ODC1: variants seen among roughly 807,000 people sequenced by gnomAD.
ODC1 encodes the protein ornithine decarboxylase 1.
A neutral mutation model predicts 41.5 loss-of-function variants in ODC1; 18 were observed. The ratio of observed to expected loss-of-function variants is 0.43; its 90% CI spans 0.30 to 0.64. ODC1 has a LOEUF of 0.64. Ranked by LOEUF, ODC1 falls within the 30% of genes least tolerant of loss-of-function variation. ODC1 has a pLI of 0.11. For synonymous variants in ODC1, 218 were observed against 211.6 expected (o/e 1.03, Z -0.26); for missense variants, 504 against 589.0 (o/e 0.86, Z 1.49).
chr2:10,442,136 AAAGTATTTGTCC>A lies in ODC1; in HGVS notation c.777_788del (p.Leu259_Tyr262del). 1 of 1,613,596 alleles carries A rather than the reference AAAGTATTTGTCC, an allele frequency of 6.2e-7. No individual in the cohort carries two copies. The highest frequency in any genetic ancestry group is 8.5e-7 in the Non-Finnish European group (1 of 1,179,876). ...TGATTCTCACTCCAGAGTCTGACGG[AAAGTATTTGTCC>A]AACGCTGGGTTGATTACGCCGGTGA... On this transcript the variant is annotated inframe_deletion, in exon 9 of 12. Transcript: ENST00000234111.
Position 10,444,082 on chromosome 2 carries a change from G to C in ODC1, c.449+13C>G. ...TGCTCCCGATCTTGCCCTCAGATGG[G>C]GGAATAACTCACTTTGCTTTGGGAT... is the stretch of plus-strand genomic sequence containing the variant. On this transcript the variant is annotated intron_variant, in intron 5 of 11. Coordinates refer to ENST00000234111, the MANE Select transcript of ODC1 (RefSeq NM_002539.3). 1 of 1,572,328 alleles carries C rather than the reference G, an allele frequency of 6.4e-7. No homozygotes were observed. Among genetic ancestry groups the C allele is most frequent in the Non-Finnish European group, 8.6e-7 (1 of 1,160,212 alleles).
intron 11 of ODC1, 73 bp from the exon 12 acceptor site, chr2:10,440,941 T>G: frequency 2.0e-6 from 3 of 1,517,856 alleles, no homozygotes; most frequent in Non-Finnish European, 2.7e-6. Context: ...TTACTTCCCA[T>G]CAGGAAACAA....
chr2:10,442,547 G>T (rs1671865981), intron 8 of ODC1, among the ~76,000 whole-genome samples: 1 of 152,156 alleles, frequency 6.6e-6, no homozygotes, highest in Non-Finnish European at 1.5e-5. Context: ...AACAAACCAT[G>T]TGGATATATT....
rs1389055083 is a variant in ODC1, at chr2:10,442,092, T to C, written c.833A>G (p.Tyr278Cys). Residue 278 changes from tyrosine to cysteine, a missense_variant, in exon 9 of 12, where the codon TAC becomes TGC. Transcript: ENST00000234111. ...AAGCGTGAAAGCTGATGCAACATAG[T>C]ATCTGCCGGGCTCAGCTATGATTCT... ...GVRIIAEPGRYYVASAFTLAV... is the reference protein window; with the variant it reads ...GVRIIAEPGRCYVASAFTLAV... The C allele has an allele frequency of 6.2e-7, 1 of 1,614,148 alleles. No homozygotes were observed.
rs747926407 is a variant in ODC1 at position 10,443,311 on chromosome 2, A to G, written c.669T>C (p.Ala223=). Reference sequence around the variant, plus strand: ...GCAGATACATGCTGAAACCAACCTCAGCCTAGAATCAAGAAAATAAGTCAG... The same window carrying G: ...GCAGATACATGCTGAAACCAACCTCGGCCTAGAATCAAGAAAATAAGTCAG... ...SDARCVFDMG[A]EVGFSMYLLD... Residue 223 remains alanine, a splice_region_variant and synonymous_variant, in exon 8 of 12, where the codon GCT becomes GCC. Coordinates refer to ENST00000234111, the MANE Select transcript of ODC1 (RefSeq NM_002539.3). 6.2e-6 allele frequency: 10 copies of G among 1,609,056 alleles called. No individual in the cohort carries two copies. The highest frequency in any genetic ancestry group is 8.5e-6 in the Non-Finnish European group (10 of 1,178,184).
intron 11 of ODC1, 29 bp from the exon 12 acceptor site, chr2:10,440,897 A>T (rs1464965119): frequency 1.2e-6 from 2 of 1,612,164 alleles, no homozygotes; most frequent in East Asian, 4.5e-5. Flanking sequence ...CATATTAAAA[A>T]CCCTGACTCA....
chr2:10,443,640 A>G, intron 6 of ODC1, 62 bp downstream of exon 6: 1 of 1,606,986 alleles, frequency 6.2e-7, no homozygotes, highest in Non-Finnish European at 8.5e-7. Context: ...ACACTAGGAG[A>G]AAGCCTGTAA....
Position 10,443,817 on chromosome 2 carries a change from T to C in ODC1, c.469A>G (p.Thr157Ala), listed in dbSNP as rs771213212. 2.5e-6 allele frequency: 4 copies of C among 1,614,098 alleles called. No homozygotes were observed. Among genetic ancestry groups the C allele is most frequent in the Middle Eastern group, 1.6e-4 (1 of 6,062 alleles). The part of the protein sequence containing the change: ...PKAKLVLRIA[T>A]DDSKAVCRLS... ...CGACAGACTGCTTTGGAATCATCAG[T>C]GGCAATCCGCAAAACCAACCTACAA... The change falls in exon 6 of 12, where the codon ACT becomes GCT. Residue 157 changes from threonine to alanine, a missense_variant. Coordinates refer to ENST00000234111, the MANE Select transcript of ODC1 (RefSeq NM_002539.3).
chr2:10,442,526 G>A (rs1301067401), intron 8 of ODC1, among the ~76,000 whole-genome samples: 6 of 152,242 alleles, frequency 3.9e-5, no homozygotes, highest in South Asian at 4.1e-4. Flanking sequence ...TTCTGCCTAC[G>A]TCATGATTTT....
At chr2:10,446,049 G>A (rs1026976587) in intron 1 of ODC1, among the ~76,000 whole-genome samples, 3 of 152,008 alleles carry the variant, frequency 2.0e-5, no homozygotes, top group South Asian at 2.1e-4. Context: ...GTATTAGCTG[G>A]GTATATACTT....
Position 10,441,514 on chromosome 2 carries a change from A to G in ODC1, c.1236T>C (p.Pro412=), listed in dbSNP as rs1364500448. 1 of 1,613,634 alleles carries G rather than the reference A, an allele frequency of 6.2e-7. No homozygotes were observed. Among genetic ancestry groups the G allele is most frequent in the African/African-American group, 1.3e-5 (1 of 74,930 alleles). The part of the protein sequence containing the change: ...RPTIYYVMSG[P]AWQLMQQFQN... Reference sequence around the variant, plus strand: ...AACATGCATGGCTTACTTACCACGCAGGCCCTGACATCACATAGTAGATCG... The same window carrying G: ...AACATGCATGGCTTACTTACCACGCGGGCCCTGACATCACATAGTAGATCG... The change falls in exon 11 of 12, where the codon CCT becomes CCC. Residue 412 remains proline (P), a synonymous_variant. Transcript: ENST00000234111.
Position 10,444,159 on chromosome 2 carries a change from G to A in ODC1, c.385C>T (p.Gln129Ter). Residue 129 changes from glutamine to a stop codon, truncating the protein, a stop_gained, in exon 5 of 12, where the codon CAG becomes TAG. Coordinates refer to ENST00000234111, the MANE Select transcript of ODC1 (RefSeq NM_002539.3). LOFTEE classifies it high-confidence loss of function. ...ACTTCACTATCAAAAGTCATCATCTGGACTCCATTATTAGCAGCATACTTA... is the reference window on the plus strand; with the variant it reads ...ACTTCACTATCAAAAGTCATCATCTAGACTCCATTATTAGCAGCATACTTA... ...QIKYAANNGV[Q>*]MMTFDSEVEL... The A allele has an allele frequency of 6.2e-7, 1 of 1,612,330 alleles. No individual in the cohort carries two copies. The highest frequency in any genetic ancestry group is 8.5e-7 in the Non-Finnish European group (1 of 1,179,576).
intron 1 of ODC1, among the ~76,000 whole-genome samples, chr2:10,446,203 G>A (rs1194857190): frequency 6.8e-5 from 10 of 148,026 alleles, no homozygotes; most frequent in Non-Finnish European, 7.4e-5. Flanking sequence ...GCATGATCTC[G>A]GCTCACCTCA....
rs28362381 is a variant in ODC1, at chr2:10,446,626, T to C, written c.-127-1362A>G. The C allele has an allele frequency of 3.6e-3, 931 of 255,348 alleles. 9 individuals carry two copies. Among genetic ancestry groups the C allele is most frequent in the African/African-American group, 0.02 (842 of 42,482 alleles). The allele number at this position is 255,348 out of a possible 1,614,324, so 15.8% of individuals were successfully genotyped here. ...TAAAAGCCACTGTATTTTGCTTTCATCAAATGTGGCACCTTGTGAACCAGC... is the reference window on the plus strand; with the variant it reads ...TAAAAGCCACTGTATTTTGCTTTCACCAAATGTGGCACCTTGTGAACCAGC... On this transcript the variant is annotated intron_variant, in intron 1 of 11. Coordinates refer to ENST00000234111, the MANE Select transcript of ODC1 (RefSeq NM_002539.3).
In ODC1 at chr2:10,440,808, G is replaced by C; in HGVS notation, c.1302C>G (p.Ala434=). The C allele has an allele frequency of 6.2e-7, 1 of 1,614,024 alleles. No homozygotes were observed. Among genetic ancestry groups the C allele is most frequent in the South Asian group, 1.1e-5 (1 of 91,076 alleles). The change falls in exon 12 of 12, where the codon GCC becomes GCG. Residue 434 remains alanine (A), a synonymous_variant. Transcript: ENST00000234111. ...AGGCACAAGACACAGGCAGGGTGCT[G>C]GCATCCTGTTCCTCTACTTCGGGTG... is the stretch of plus-strand genomic sequence containing the variant. ...DFPPEVEEQD[A]STLPVSCAWE...
At chr2:10,443,140 G>A in intron 8 of ODC1, 90 bp downstream of exon 8, 2 of 938,604 alleles carry the variant, frequency 2.1e-6, no homozygotes, top group South Asian at 2.8e-5. Context: ...AGCCCATTGT[G>A]GTATTAGTTA....
chr2:10,446,773 G>C, intron 1 of ODC1: 1 of 448,162 alleles, frequency 2.2e-6, no homozygotes. Flanking sequence ...GCAATGGTTC[G>C]GGGACACAGT....
At chr2:10,441,762 A>C (rs1431814407) in intron 10 of ODC1, 39 bp from the exon 11 acceptor site, 1 of 1,611,682 alleles carries the variant, frequency 6.2e-7, no homozygotes, top group African/African-American at 1.3e-5. Flanking sequence ...CTACTTAATT[A>C]CACGTGTTGT....
rs766615688 is a variant in ODC1 at position 10,441,737 on chromosome 2, C to T, written c.1027-14G>A. The stretch of plus-strand genomic sequence containing the variant: ...TGGTTTAGGTCTCTATATAAAGAGA[C>T]GGAGAGAGGAAGTACTACTTAATTA... On this transcript the variant is annotated splice_polypyrimidine_tract_variant and intron_variant, in intron 10 of 11. Coordinates refer to ENST00000234111, the MANE Select transcript of ODC1 (RefSeq NM_002539.3). 2.4e-5 allele frequency: 38 copies of T among 1,613,374 alleles called. No individual in the cohort carries two copies. The highest frequency in any genetic ancestry group is 1.6e-4 in the Middle Eastern group (1 of 6,082).
Sources: allele counts gnomAD v4.1 joint callset (sites outside exome capture counted in the v4.1 genomes callset), GRCh38; gene constraint gnomAD v4.1.1; transcripts MANE v1.5; gene names NCBI Gene and HGNC (gene_info 2026-07-23, HGNC 2026-07-21).